The following CPNE7 variants were observed in gnomAD, a reference collection of about 807,000 sequenced individuals.
CPNE7 encodes the protein copine 7.
A neutral mutation model predicts 66.5 loss-of-function variants in CPNE7; 78 were observed. The observed-to-expected ratio is 1.17, with a 90% confidence interval of 0.98 to 1.42. CPNE7 has a LOEUF of 1.42. Among genes scored for constraint, CPNE7 ranks in the 40% most tolerant of loss-of-function variants. The pLI is 0.00. For synonymous variants in CPNE7, 468 were observed against 336.7 expected (o/e 1.39, Z -4.27); for missense variants, 1,012 against 776.6 (o/e 1.30, Z -3.60).
chr16:89,595,267 C>T (rs60939264), intron 13 of CPNE7, 100 bp from the exon 14 acceptor site: 13,506 of 926,600 alleles, frequency 0.015, 825 homozygotes, highest in East Asian at 0.14. Flanking sequence ...GAAGCTCTGA[C>T]GCACGGAGGC....
At position 89,577,376 on chromosome 16, in the gene CPNE7, C is replaced by G. The variant is rs901442717; in HGVS notation, c.175-163C>G. On this transcript the variant is annotated intron_variant, in intron 1 of 14. Transcript: ENST00000319518. The stretch of plus-strand genomic sequence containing the variant: ...GCCAGGGGTGACCCCCAGGGTGGCC[C>G]TCGGGATTGTGGTCCCATGGACAGA... Among the ~76,000 whole-genome samples, 12 of 152,144 alleles carry G rather than the reference C, an allele frequency of 7.9e-5. No homozygotes were observed. The East Asian group carries it at 2.1e-3, about 27-fold the overall frequency.
chr16:89,590,899 C>A (rs1221555843), intron 11 of CPNE7, 108 bp from the exon 12 acceptor site: 3 of 1,054,806 alleles, frequency 2.8e-6, no homozygotes, highest in African/African-American at 3.5e-5. Flanking sequence ...GAGCAGCTGA[C>A]TGGGGGACAT....
chr16:89,584,708 A>C lies in CPNE7; in HGVS notation c.508-66A>C. ...TGAAGTGAGCCCTGGGAAACGACAA[A>C]GCCAGCTCCCATCCAAAGCCCGATC... On this transcript the variant is annotated intron_variant, in intron 4 of 14. Coordinates refer to ENST00000319518, the MANE Select transcript of CPNE7 (RefSeq NM_153636.3). This position sits in a 1 kb window ranked among gnomAD's most constrained non-coding sequence, Gnocchi z 6.0. The C allele has an allele frequency of 8.0e-7, 1 of 1,246,798 alleles. No individual in the cohort carries two copies. The highest frequency in any genetic ancestry group is 1.2e-6 in the Non-Finnish European group (1 of 860,944). 77.2% of individuals were successfully genotyped at this position (1,246,798 alleles called of 1,614,324 possible). A position where few individuals can be genotyped will look rare whatever the true frequency, so the allele number is the denominator to read the frequency against.
At position 89,592,998 on chromosome 16, in the gene CPNE7, G is replaced by C. The variant is rs77719348; in HGVS notation, c.1302+1738G>C. On this transcript the variant is annotated intron_variant, in intron 13 of 14. Coordinates refer to ENST00000319518, the MANE Select transcript of CPNE7 (RefSeq NM_153636.3). ...CGGCTAATTTTTATATTTTTGTAGAGATGGGGTTTCACTGTCTTGGCCAGG... is the reference window on the plus strand; with the variant it reads ...CGGCTAATTTTTATATTTTTGTAGACATGGGGTTTCACTGTCTTGGCCAGG... Among the ~76,000 whole-genome samples, 3,220 of 151,112 alleles carry C rather than the reference G, an allele frequency of 0.021. 516 individuals are homozygous for C. The East Asian group carries it at 0.45, about 21-fold the overall frequency.
chr16:89,579,923 C>T (rs1567952540), intron 2 of CPNE7, among the ~76,000 whole-genome samples: 1 of 57,454 alleles, frequency 1.7e-5, no homozygotes, highest in Non-Finnish European at 5.0e-5. Context: ...ATCCCGTCAC[C>T]CGCTGACACA....
rs748223684 is a variant in CPNE7, at chr16:89,587,060, C to A, written c.885C>A (p.Ser295=). The part of the protein sequence containing the change: ...LADLKFHRVY[S]FLDYIMGGCQ... ...GCCGGAAGTTCCACAGGGTGTACTC[C>A]TTCCTGGACTATATCATGGGCGGCT... The change falls in exon 9 of 15, where the codon TCC becomes TCA. Residue 295 remains serine (S), a synonymous_variant. Transcript: ENST00000319518. 6.3e-6 allele frequency: 10 copies of A among 1,580,318 alleles called. No homozygotes were observed. The highest frequency in any genetic ancestry group is 6.9e-6 in the Non-Finnish European group (8 of 1,163,034).
At position 89,596,710 on chromosome 16, in the gene CPNE7, C is replaced by G; in HGVS notation, c.*89C>G. ...TGCTTGGGGTCCCTTAAGCTCCCTC[C>G]GACCTCCCAGAAGCCTCCAGTCCCC... is the stretch of plus-strand genomic sequence containing the variant. On this transcript the variant is annotated 3_prime_UTR_variant, in exon 15 of 15. Transcript: ENST00000319518. The G allele has an allele frequency of 7.3e-7, 1 of 1,376,858 alleles. No individual in the cohort carries two copies. The highest frequency in any genetic ancestry group is 1.5e-5 in the African/African-American group (1 of 67,324). 85.3% of individuals were successfully genotyped at this position (1,376,858 alleles called of 1,614,324 possible).
At position 89,575,876 on chromosome 16, in the gene CPNE7, C is replaced by T; in HGVS notation, c.-22C>T. 8.3e-7 allele frequency: 1 copy of T among 1,202,238 alleles called. No individual in the cohort carries two copies. The highest frequency in any genetic ancestry group is 4.0e-5 in the South Asian group (1 of 24,748). The allele number at this position is 1,202,238 out of a possible 1,614,324, so 74.5% of individuals were successfully genotyped here. A position where few individuals can be genotyped will look rare whatever the true frequency, so the allele number is the denominator to read the frequency against. On this transcript the variant is annotated 5_prime_UTR_variant, in exon 1 of 15. Transcript: ENST00000319518. ...GCAGCGGCCCCTCAGTGCGCCCAGCCGGGCCCCCGAACGCCGGGAGCATGA... is the reference window on the plus strand; with the variant it reads ...GCAGCGGCCCCTCAGTGCGCCCAGCTGGGCCCCCGAACGCCGGGAGCATGA...
At chr16:89,583,798 C>T (rs1188159296) in intron 3 of CPNE7, 27 bp downstream of exon 3, 2 of 1,609,484 alleles carry the variant, frequency 1.2e-6, no homozygotes, top group Non-Finnish European at 1.7e-6. Context: ...CCCCTGCAGC[C>T]TGCAGGCCCT....
intron 14 of CPNE7, chr16:89,595,973 C>G (rs1472761275): frequency 3.9e-6 from 2 of 507,198 alleles, no homozygotes; most frequent in Non-Finnish European, 7.7e-6. Flanking sequence ...TGAGGTTCTA[C>G]CCGGTGAGAC....
At position 89,577,722 on chromosome 16, in the gene CPNE7, G is replaced by A. The variant is rs1475427150; in HGVS notation, c.357+1G>A. On this transcript the variant is annotated splice_donor_variant, in intron 2 of 14. Coordinates refer to ENST00000319518, the MANE Select transcript of CPNE7 (RefSeq NM_153636.3). LOFTEE classifies it high-confidence loss of function. The stretch of plus-strand genomic sequence containing the variant: ...GGGCATGGAGTGCACCCTGGGGCAG[G>A]TGGGTGCCCCGTCCCCTCGGAGGGA... 8 of 1,587,918 alleles carry A rather than the reference G, an allele frequency of 5.0e-6. No homozygotes were observed. Among genetic ancestry groups the A allele is most frequent in the East Asian group, 2.3e-5 (1 of 43,816 alleles).
At position 89,591,028 on chromosome 16, in the gene CPNE7, A is replaced by G; in HGVS notation, c.1138A>G (p.Asn380Asp). Residue 380 changes from asparagine (N) to aspartate (D), a missense_variant, in exon 12 of 15, where the codon AAT becomes GAT. Physicochemically the swap from Asn to Asp is conservative, Grantham distance 23 (BLOSUM62 1). Coordinates refer to ENST00000319518, the MANE Select transcript of CPNE7 (RefSeq NM_153636.3). ...CCAGGTGTCCCATGACTTTGCCATC[A>G]ATTTCAACCCTGAGGACGATGAGTG... The part of the protein sequence containing the change: ...KYEVSHDFAI[N>D]FNPEDDECEG... 6.2e-7 allele frequency: 1 copy of G among 1,613,710 alleles called. No individual in the cohort carries two copies. Among genetic ancestry groups the G allele is most frequent in the Non-Finnish European group, 8.5e-7 (1 of 1,179,882 alleles).
At position 89,596,707 on chromosome 16, in the gene CPNE7, C is replaced by T. The variant is rs112753518; in HGVS notation, c.*86C>T. The T allele has an allele frequency of 1.1e-5, 15 of 1,376,284 alleles. No homozygotes were observed. The African/African-American group carries it at 1.2e-4, about 11-fold the overall frequency. The allele number at this position is 1,376,284 out of a possible 1,614,324, so 85.3% of individuals were successfully genotyped here. A position where few individuals can be genotyped will look rare whatever the true frequency, so the allele number is the denominator to read the frequency against. On this transcript the variant is annotated 3_prime_UTR_variant, in exon 15 of 15. Coordinates refer to ENST00000319518, the MANE Select transcript of CPNE7 (RefSeq NM_153636.3). ...ACATGCTTGGGGTCCCTTAAGCTCC[C>T]TCCGACCTCCCAGAAGCCTCCAGTC...
intron 11 of CPNE7, 88 bp downstream of exon 11, chr16:89,590,039 C>T: frequency 6.8e-7 from 1 of 1,466,474 alleles, no homozygotes; most frequent in Non-Finnish European, 9.4e-7. Context: ...GGAGCCCTGG[C>T]TGCCTGCTGG....
intron 13 of CPNE7, among the ~76,000 whole-genome samples, chr16:89,595,156 G>A (rs943996346): frequency 3.3e-5 from 5 of 152,146 alleles, no homozygotes; most frequent in African/African-American, 1.2e-4. Context: ...TTCCTGAGCT[G>A]GGCACAGGAG....
intron 1 of CPNE7, among the ~76,000 whole-genome samples, chr16:89,576,540 G>C (rs1186495275): frequency 1.3e-5 from 2 of 152,196 alleles, no homozygotes; most frequent in Non-Finnish European, 2.9e-5. Context: ...CCGCTCCAAC[G>C]TGGGTCTCAA....
chr16:89,595,810 C>G, intron 14 of CPNE7: 1 of 688,582 alleles, frequency 1.5e-6, no homozygotes, highest in East Asian at 2.8e-5. Context: ...CGTTTTGAAA[C>G]TTGTCGAATC....
Position 89,584,747 on chromosome 16 carries a change from C to T in CPNE7, c.508-27C>T. On this transcript the variant is annotated intron_variant, in intron 4 of 14. Coordinates refer to ENST00000319518, the MANE Select transcript of CPNE7 (RefSeq NM_153636.3). The surrounding 1 kb of genome is among the most constrained non-coding windows in gnomAD (Gnocchi z 6.0). The stretch of plus-strand genomic sequence containing the variant: ...CAAAGCCCGATCTCACAGTGCCTGG[C>T]CCAGCAGCCCTTGTGCCTCTCCCCA... 6.3e-7 allele frequency: 1 copy of T among 1,579,274 alleles called. No homozygotes were observed. Among genetic ancestry groups the T allele is most frequent in the Non-Finnish European group, 8.7e-7 (1 of 1,150,742 alleles).
intron 13 of CPNE7, 94 bp downstream of exon 13, chr16:89,591,354 CAGCCAG>C: frequency 7.0e-7 from 1 of 1,435,430 alleles, no homozygotes; most frequent in Non-Finnish European, 9.1e-7. Flanking sequence ...GCAGAGGGAA[CAGCCAG>C]CGCAGAGGCC....
Sources: gnomAD v4.1 joint callset for allele counts (sites outside exome capture counted in the v4.1 genomes callset) on GRCh38, gnomAD v4.1.1 for gene constraint, Gnocchi (gnomAD v3.1) non-coding constraint, MANE v1.5 for transcripts, NCBI Gene and HGNC (gene_info 2026-07-23, HGNC 2026-07-21) for gene names.